The following UTP3 variants were observed in gnomAD, a reference collection of about 807,000 sequenced individuals.
UTP3 encodes the protein UTP3 small subunit processome component, also known as something about silencing protein 10.
A neutral mutation model predicts 37.9 loss-of-function variants in UTP3; 19 were observed. That is an observed-to-expected ratio of 0.50 (90% CI 0.35 to 0.74). The LOEUF is 0.74. Ranked by LOEUF, UTP3 falls within the 30% of genes least tolerant of loss-of-function variation. The probability of loss-of-function intolerance (pLI) is 0.01; values close to 1 mark genes in which losing one functional copy is unlikely to be tolerated. For missense variants in UTP3, 504 were observed against 570.7 expected (o/e 0.88, Z 1.19); for synonymous variants, 242 against 218.5 (o/e 1.11, Z -0.95).
In UTP3 at chr4:70,689,821, A is replaced by G; in HGVS notation, c.1144A>G (p.Ile382Val). Residue 382 changes from isoleucine to valine, a missense_variant, in exon 1 of 1, where the codon ATA becomes GTA. By Grantham distance (29) the Ile-to-Val change is conservative. Transcript: ENST00000254803. ...EKAKLKYYKE[I>V]EDRQKLKRKK... ...AGCAAAACTGAAGTACTATAAAGAA[A>G]TAGAAGACAGGCAAAAGCTAAAGAG... The G allele has an allele frequency of 6.2e-7, 1 of 1,613,636 alleles. No homozygotes were observed. Among genetic ancestry groups the G allele is most frequent in the Non-Finnish European group, 8.5e-7 (1 of 1,179,924 alleles).
chr4:70,689,692 C>T lies in UTP3; in HGVS notation c.1015C>T (p.Pro339Ser). The change falls in exon 1 of 1, where the codon CCA becomes TCA. Residue 339 changes from proline to serine, a missense_variant. Coordinates refer to ENST00000254803, the MANE Select transcript of UTP3 (RefSeq NM_020368.3). ...KDDAVKKELI[P>S]KAKSTKPKPK... Reference sequence around the variant, plus strand: ...TGATGCTGTAAAGAAAGAACTGATTCCAAAAGCAAAATCCACCAAGCCCAA... The same window carrying T: ...TGATGCTGTAAAGAAAGAACTGATTTCAAAAGCAAAATCCACCAAGCCCAA... The T allele has an allele frequency of 6.2e-7, 1 of 1,614,170 alleles. No homozygotes were observed. Among genetic ancestry groups the T allele is most frequent in the Non-Finnish European group, 8.5e-7 (1 of 1,180,028 alleles).
Position 70,688,802 on chromosome 4 carries a change from G to T in UTP3, c.125G>T (p.Ser42Ile). The T allele has an allele frequency of 6.2e-7, 1 of 1,614,164 alleles. No homozygotes were observed. The highest frequency in any genetic ancestry group is 1.1e-5 in the South Asian group (1 of 91,086). Residue 42 changes from serine to isoleucine, a missense_variant, in exon 1 of 1, where the codon AGC (serine) becomes ATC (isoleucine). Transcript: ENST00000254803. Reference sequence around the variant, plus strand: ...TTGCCACCCTCACCAGGGGACACCAGCTACTACCAAGATCAGGTAGATGAC... The same window carrying T: ...TTGCCACCCTCACCAGGGGACACCATCTACTACCAAGATCAGGTAGATGAC... Reference protein sequence around the residue: ...LGLPPSPGDTSYYQDQVDDFH... With the variant: ...LGLPPSPGDTIYYQDQVDDFH...
At position 70,688,942 on chromosome 4, in the gene UTP3, G is replaced by A. The variant is rs1165660052; in HGVS notation, c.265G>A (p.Asp89Asn). ...GGAGGTGCTAGCCCTAGATATGGAC[G>A]ATGAGGACGACGAAGATGGAGGGAA... The part of the protein sequence containing the change: ...EEEVLALDMD[D>N]EDDEDGGNAG... The change falls in exon 1 of 1, where the codon GAT (aspartate) becomes AAT (asparagine). Residue 89 changes from aspartate to asparagine, a missense_variant. By Grantham distance (23) the Asp-to-Asn change is conservative. Coordinates refer to ENST00000254803, the MANE Select transcript of UTP3 (RefSeq NM_020368.3). 10 of 1,609,836 alleles carry A rather than the reference G, an allele frequency of 6.2e-6. No individual in the cohort carries two copies. Among genetic ancestry groups the A allele is most frequent in the African/African-American group, 2.7e-5 (2 of 74,710 alleles).
At position 70,689,151 on chromosome 4, in the gene UTP3, A is replaced by G. The variant is rs1473932655; in HGVS notation, c.474A>G (p.Glu158=). 2 of 1,613,320 alleles carry G rather than the reference A, an allele frequency of 1.2e-6. No individual in the cohort carries two copies. Among genetic ancestry groups the G allele is most frequent in the East Asian group, 2.2e-5 (1 of 44,842 alleles). The stretch of plus-strand genomic sequence containing the variant: ...GTCAACAGGAGGCAGAGGAGGAGGA[A>G]AGAGAGGAGGAGGAGGAGGCACAGA... ...RQSQQEAEEE[E]REEEEEAQII... The change falls in exon 1 of 1, where the codon GAA becomes GAG. Residue 158 remains glutamate, a synonymous_variant. Coordinates refer to ENST00000254803, the MANE Select transcript of UTP3 (RefSeq NM_020368.3).
In UTP3 at chr4:70,688,761, T is replaced by G. The variant is rs16845387; in HGVS notation, c.84T>G (p.Asn28Lys). Reference sequence around the variant, plus strand: ...CAGGTCCCACGCTCACCGACGAAAATGGAGATGATTTAGGATTGCCACCCT... The same window carrying G: ...CAGGTCCCACGCTCACCGACGAAAAGGGAGATGATTTAGGATTGCCACCCT... Reference protein sequence around the residue: ...AKAGPTLTDENGDDLGLPPSP... With the variant: ...AKAGPTLTDEKGDDLGLPPSP... Residue 28 changes from asparagine (N) to lysine (K), a missense_variant, in exon 1 of 1, where the codon AAT (asparagine) becomes AAG (lysine). Asn to Lys is a moderately conservative substitution (Grantham distance 94). Transcript: ENST00000254803. 3 of 1,613,438 alleles carry G rather than the reference T, an allele frequency of 1.9e-6. No individual in the cohort carries two copies. The highest frequency in any genetic ancestry group is 1.7e-6 in the Non-Finnish European group (2 of 1,179,906).
At position 70,688,998 on chromosome 4, in the gene UTP3, C is replaced by A; in HGVS notation, c.321C>A (p.Ala107=). Residue 107 remains alanine (A), a synonymous_variant, in exon 1 of 1, where the codon GCC becomes GCA. Transcript: ENST00000254803. ...GGGAGGAGGAGGAGGAGGAGAATGC[C>A]GATGATGATGGTGGGAGCTCCGTGC... ...NAGEEEEEEN[A]DDDGGSSVQS... The A allele has an allele frequency of 6.3e-7, 1 of 1,590,412 alleles. No homozygotes were observed. Among genetic ancestry groups the A allele is most frequent in the South Asian group, 1.2e-5 (1 of 86,736 alleles).
chr4:70,689,288 T>C lies in UTP3; in HGVS notation c.611T>C (p.Val204Ala). The C allele has an allele frequency of 6.2e-7, 1 of 1,614,092 alleles. No individual in the cohort carries two copies. The change falls in exon 1 of 1, where the codon GTG becomes GCG. Residue 204 changes from valine to alanine, a missense_variant. Physicochemically the swap from Val to Ala is moderately conservative, Grantham distance 64 (BLOSUM62 0). Transcript: ENST00000254803. ...GTAGATGAGGCTGAGACACGGGTCGTGAAGGATTTGGCTAAAGTTTCAGTG... is the reference window on the plus strand; with the variant it reads ...GTAGATGAGGCTGAGACACGGGTCGCGAAGGATTTGGCTAAAGTTTCAGTG... ...PQVDEAETRV[V>A]KDLAKVSVKE...
rs1422227730 is a variant in UTP3, at chr4:70,689,738, C to T, written c.1061C>T (p.Thr354Ile). 8.1e-6 allele frequency: 13 copies of T among 1,614,086 alleles called. No individual in the cohort carries two copies. The highest frequency in any genetic ancestry group is 1.3e-5 in the African/African-American group (1 of 74,932). ...CCCAAACCAAAGTCTGTTTCAAAGA[C>T]TTCTGCTGCTGCCTGTGCTGTTACA... ...TKPKPKSVSK[T>I]SAAACAVTDL... The change falls in exon 1 of 1, where the codon ACT becomes ATT. Residue 354 changes from threonine (T) to isoleucine (I), a missense_variant. Transcript: ENST00000254803.
rs370336880 is a variant in UTP3, at chr4:70,689,556, T to C, written c.879T>C (p.His293=). 5 of 1,614,102 alleles carry C rather than the reference T, an allele frequency of 3.1e-6. No individual in the cohort carries two copies. Among genetic ancestry groups the C allele is most frequent in the Non-Finnish European group, 4.2e-6 (5 of 1,180,044 alleles). ...LILKARRVPA[H]GHPVIERLVT... is the part of the protein sequence containing the mutation. ...TGAAAGCTAGGAGAGTCCCAGCACA[T>C]GGACATCCTGTCATAGAAAGGCTTG... The change falls in exon 1 of 1, where the codon CAT becomes CAC. Residue 293 remains histidine, a synonymous_variant. Coordinates refer to ENST00000254803, the MANE Select transcript of UTP3 (RefSeq NM_020368.3).
rs1176367606 is a variant in UTP3 at position 70,688,966 on chromosome 4, A to C, written c.289A>C (p.Asn97His). 1 of 1,600,560 alleles carries C rather than the reference A, an allele frequency of 6.2e-7. No individual in the cohort carries two copies. Among genetic ancestry groups the C allele is most frequent in the Non-Finnish European group, 8.5e-7 (1 of 1,172,580 alleles). The change falls in exon 1 of 1, where the codon AAT becomes CAT. Residue 97 changes from asparagine to histidine, a missense_variant. Asn to His is a moderately conservative substitution (Grantham distance 68). Coordinates refer to ENST00000254803, the MANE Select transcript of UTP3 (RefSeq NM_020368.3). ...MDDEDDEDGG[N>H]AGEEEEEENA... ...CGATGAGGACGACGAAGATGGAGGG[A>C]ATGCGGGGGAGGAGGAGGAGGAGGA...
In UTP3 at chr4:70,688,652, C is replaced by A; in HGVS notation, c.-26C>A. ...TCAGTGGTGGCCGAAAGTCCGGAGTCGCTGTAAAACCTGAGATTGTGAGCC... is the reference window on the plus strand; with the variant it reads ...TCAGTGGTGGCCGAAAGTCCGGAGTAGCTGTAAAACCTGAGATTGTGAGCC... On this transcript the variant is annotated 5_prime_UTR_variant, in exon 1 of 1. Transcript: ENST00000254803. 1 of 1,592,516 alleles carries A rather than the reference C, an allele frequency of 6.3e-7. No individual in the cohort carries two copies. Among genetic ancestry groups the A allele is most frequent in the South Asian group, 1.1e-5 (1 of 88,418 alleles).
In UTP3 at chr4:70,689,190, C is replaced by T; in HGVS notation, c.513C>T (p.Arg171=). 15 of 1,614,072 alleles carry T rather than the reference C, an allele frequency of 9.3e-6. No homozygotes were observed. Among genetic ancestry groups the T allele is most frequent in the Non-Finnish European group, 1.3e-5 (15 of 1,179,996 alleles). ...AGGAGGCACAGATCATTCAGCGGCG[C>T]CTAGCCCAAGCGCTGCAAGAGGATG... ...EEEEAQIIQR[R]LAQALQEDDF... is the part of the protein sequence containing the mutation. The change falls in exon 1 of 1, where the codon CGC becomes CGT. Residue 171 remains arginine, a synonymous_variant. Coordinates refer to ENST00000254803, the MANE Select transcript of UTP3 (RefSeq NM_020368.3).
chr4:70,689,023 C>A lies in UTP3; in HGVS notation c.346C>A (p.Gln116Lys). ...NADDDGGSSV[Q>K]SEAEASVDPS... ...CGATGATGATGGTGGGAGCTCCGTG[C>A]AAAGTGAAGCTGAGGCCTCTGTGGA... The change falls in exon 1 of 1, where the codon CAA (glutamine) becomes AAA (lysine). Residue 116 changes from glutamine to lysine, a missense_variant. Gln to Lys is a moderately conservative substitution (Grantham distance 53). Coordinates refer to ENST00000254803, the MANE Select transcript of UTP3 (RefSeq NM_020368.3). The A allele has an allele frequency of 6.3e-7, 1 of 1,586,784 alleles. No individual in the cohort carries two copies. Among genetic ancestry groups the A allele is most frequent in the South Asian group, 1.2e-5 (1 of 86,012 alleles).
At position 70,689,027 on chromosome 4, in the gene UTP3, G is replaced by GT. The variant is rs1560417722; in HGVS notation, c.351dup (p.Glu118Ter). On this transcript the variant is annotated frameshift_variant, in exon 1 of 1. Transcript: ENST00000254803. LOFTEE classifies it high-confidence loss of function. ...GATGATGGTGGGAGCTCCGTGCAAAGTGAAGCTGAGGCCTCTGTGGATCCC... is the reference window on the plus strand; with the variant it reads ...GATGATGGTGGGAGCTCCGTGCAAAGTTGAAGCTGAGGCCTCTGTGGATCCC... 2.5e-6 allele frequency: 4 copies of GT among 1,588,168 alleles called. No individual in the cohort carries two copies. Among genetic ancestry groups the GT allele is most frequent in the Non-Finnish European group, 3.4e-6 (4 of 1,166,194 alleles).
In UTP3 at chr4:70,689,590, C is replaced by A. The variant is rs532846486; in HGVS notation, c.913C>A (p.Arg305=). 1.9e-6 allele frequency: 3 copies of A among 1,614,018 alleles called. No individual in the cohort carries two copies. The highest frequency in any genetic ancestry group is 2.5e-6 in the Non-Finnish European group (3 of 1,180,036). ...HPVIERLVTY[R]NLINKLSVVD... ...TGTCATAGAAAGGCTTGTTACCTAC[C>A]GAAATTTGATCAACAAGCTGTCCGT... Residue 305 remains arginine, a synonymous_variant, in exon 1 of 1, where the codon CGA becomes AGA. Transcript: ENST00000254803.
In UTP3 at chr4:70,689,232, G is replaced by A. The variant is rs1169583524; in HGVS notation, c.555G>A (p.Trp185Ter). 2 of 1,614,176 alleles carry A rather than the reference G, an allele frequency of 1.2e-6. No homozygotes were observed. The highest frequency in any genetic ancestry group is 1.7e-6 in the Non-Finnish European group (2 of 1,180,012). ...ALQEDDFGVAWVEAFAKPVPQ... is the reference protein window; with the variant it reads ...ALQEDDFGVA Reference sequence around the variant, plus strand: ...AAGAGGATGATTTTGGTGTCGCCTGGGTTGAGGCCTTTGCAAAACCAGTGC... The same window carrying A: ...AAGAGGATGATTTTGGTGTCGCCTGAGTTGAGGCCTTTGCAAAACCAGTGC... Residue 185 changes from tryptophan (W) to a stop codon, truncating the protein, a stop_gained, in exon 1 of 1, where the codon TGG (tryptophan) becomes TGA (stop). Coordinates refer to ENST00000254803, the MANE Select transcript of UTP3 (RefSeq NM_020368.3). LOFTEE classifies it high-confidence loss of function.
chr4:70,689,247 A>G lies in UTP3; in HGVS notation c.570A>G (p.Ala190=), dbSNP rs142982822. 79 of 1,614,062 alleles carry G rather than the reference A, an allele frequency of 4.9e-5. No individual in the cohort carries two copies. The African/African-American group carries it at 9.7e-4, about 20-fold the overall frequency. Residue 190 remains alanine, a synonymous_variant, in exon 1 of 1, where the codon GCA becomes GCG. Coordinates refer to ENST00000254803, the MANE Select transcript of UTP3 (RefSeq NM_020368.3). ...GTGTCGCCTGGGTTGAGGCCTTTGC[A>G]AAACCAGTGCCTCAGGTAGATGAGG... The part of the protein sequence containing the change: ...DFGVAWVEAF[A]KPVPQVDEAE...
chr4:70,690,032 G>A lies in UTP3; in HGVS notation c.1355G>A (p.Arg452His), dbSNP rs140047180. ...AAAATTAGAAGAAGAGGCCAGGTTC[G>A]TGAAGTTCGTAAAGAAGAGCAACGT... is the stretch of plus-strand genomic sequence containing the variant. ...RAKIRRRGQVREVRKEEQRYS... is the reference protein window; with the variant it reads ...RAKIRRRGQVHEVRKEEQRYS... The change falls in exon 1 of 1, where the codon CGT (arginine) becomes CAT (histidine). Residue 452 changes from arginine (R) to histidine (H), a missense_variant. Physicochemically the swap from Arg to His is conservative, Grantham distance 29 (BLOSUM62 0). Coordinates refer to ENST00000254803, the MANE Select transcript of UTP3 (RefSeq NM_020368.3). 10 of 1,614,076 alleles carry A rather than the reference G, an allele frequency of 6.2e-6. No homozygotes were observed. The highest frequency in any genetic ancestry group is 2.2e-5 in the East Asian group (1 of 44,872).
At position 70,689,287 on chromosome 4, in the gene UTP3, G is replaced by C. The variant is rs769003735; in HGVS notation, c.610G>C (p.Val204Leu). 6.2e-7 allele frequency: 1 copy of C among 1,614,076 alleles called. No homozygotes were observed. Among genetic ancestry groups the C allele is most frequent in the Non-Finnish European group, 8.5e-7 (1 of 1,180,048 alleles). Residue 204 changes from valine to leucine, a missense_variant, in exon 1 of 1, where the codon GTG becomes CTG. Coordinates refer to ENST00000254803, the MANE Select transcript of UTP3 (RefSeq NM_020368.3). ...PQVDEAETRV[V>L]KDLAKVSVKE... Reference sequence around the variant, plus strand: ...GGTAGATGAGGCTGAGACACGGGTCGTGAAGGATTTGGCTAAAGTTTCAGT... The same window carrying C: ...GGTAGATGAGGCTGAGACACGGGTCCTGAAGGATTTGGCTAAAGTTTCAGT...
Sources: allele counts gnomAD v4.1 joint callset, GRCh38; gene constraint gnomAD v4.1.1; transcripts MANE v1.5; gene names NCBI Gene and HGNC (gene_info 2026-07-23, HGNC 2026-07-21).